The following SPAST variants were observed in gnomAD, a reference collection of about 807,000 sequenced individuals.
SPAST encodes spastic paraplegia 4 (autosomal dominant; spastin).
SPAST carries 30 observed loss-of-function variants against 76.6 expected under a neutral mutation model. That is an observed-to-expected ratio of 0.39 (90% CI 0.29 to 0.53). The LOEUF (loss-of-function observed/expected upper bound fraction) is 0.53, where lower values mean the gene tolerates loss of function less well. Ranked by LOEUF, SPAST falls within the 20% of genes least tolerant of loss-of-function variation. SPAST has a pLI of 0.68. For missense variants in SPAST, 717 were observed against 770.5 expected, an observed-to-expected ratio of 0.93 and a Z score of 0.82; for synonymous variants, 305 against 281.0, an observed-to-expected ratio of 1.09 and a Z score of -0.86.
intron 15 of SPAST, among the ~76,000 whole-genome samples, chr2:32,146,143 T>G (rs1435476981): frequency 3.3e-5 from 5 of 152,368 alleles, no homozygotes; most frequent in Admixed American, 2.0e-4. Flanking sequence ...AGCTTAAATC[T>G]TGTTCAGTTA....
intron 12 of SPAST, among the ~76,000 whole-genome samples, chr2:32,140,157 T>C (rs1024973388): frequency 1.3e-4 from 20 of 152,216 alleles, no homozygotes; most frequent in Admixed American, 1.2e-3. Flanking sequence ...TCTTTTTGTT[T>C]TGTTCTGTTT....
At chr2:32,067,261 C>T (rs1302328798) in intron 1 of SPAST, among the ~76,000 whole-genome samples, 1 of 152,106 alleles carries the variant, frequency 6.6e-6, no homozygotes, top group Non-Finnish European at 1.5e-5. Context: ...GGGGTTCCAC[C>T]ATGTTGGCCA....
chr2:32,144,745 C>T (rs889925353), intron 14 of SPAST, among the ~76,000 whole-genome samples, 192 bp from the exon 15 acceptor site: 1 of 151,952 alleles, frequency 6.6e-6, no homozygotes, highest in Admixed American at 6.6e-5. Flanking sequence ...AAAAATTAGC[C>T]AGGTGCGGTG....
chr2:32,143,344 A>G lies in SPAST; in HGVS notation c.1545A>G (p.Leu515=), dbSNP rs896657268. ...TTTTTAATATTTTTCAGACAAGACT[A>G]CTTTTGCTTAAAAATCTGTTATGTA... ...YVSLPNEETR[L]LLLKNLLCKQ... The change falls in exon 14 of 17, where the codon CTA becomes CTG. Residue 515 remains leucine, a synonymous_variant. Coordinates refer to ENST00000315285, the MANE Select transcript of SPAST (RefSeq NM_014946.4). 1.9e-6 allele frequency: 3 copies of G among 1,571,494 alleles called. No homozygotes were observed. The highest frequency in any genetic ancestry group is 1.1e-5 in the South Asian group (1 of 89,766).
At chr2:32,065,319 T>C (rs1184840351) in intron 1 of SPAST, among the ~76,000 whole-genome samples, 3 of 152,088 alleles carry the variant, frequency 2.0e-5, no homozygotes, top group Non-Finnish European at 4.4e-5. Flanking sequence ...CGCCTGGCCT[T>C]AAGCTAACAT....
chr2:32,096,711 T>G (rs1044661403), intron 3 of SPAST, among the ~76,000 whole-genome samples: 1 of 152,176 alleles, frequency 6.6e-6, no homozygotes, highest in African/African-American at 2.4e-5. Flanking sequence ...AACTTTTTGT[T>G]AAAATTTCAT....
chr2:32,129,851 G>A (rs571519884), intron 9 of SPAST: 1 of 152,266 alleles, frequency 6.6e-6, no homozygotes, highest in South Asian at 2.1e-4. Flanking sequence ...ATAAAAAATA[G>A]AGCCAGGTGT....
In SPAST at chr2:32,156,853, C is replaced by T. The variant is rs1318669442; in HGVS notation, c.*2357C>T. 6.6e-6 allele frequency: 1 copy of T among 152,134 alleles called. No homozygotes were observed. Among genetic ancestry groups the T allele is most frequent in the African/African-American group, 2.4e-5 (1 of 41,448 alleles). The allele number at this position is 152,134 out of a possible 1,614,324, so 9.4% of individuals were successfully genotyped here. On this transcript the variant is annotated 3_prime_UTR_variant, in exon 17 of 17. Coordinates refer to ENST00000315285, the MANE Select transcript of SPAST (RefSeq NM_014946.4). Reference sequence around the variant, plus strand: ...GTTAATACTATCTTAAACACTGAGTCAGAAAATCATTACTGTATAGAAGTT... The same window carrying T: ...GTTAATACTATCTTAAACACTGAGTTAGAAAATCATTACTGTATAGAAGTT...
intron 4 of SPAST, among the ~76,000 whole-genome samples, chr2:32,105,904 G>T (rs1279409674): frequency 2.6e-5 from 4 of 152,212 alleles, no homozygotes; most frequent in Non-Finnish European, 5.9e-5. Context: ...GCTACTTGGG[G>T]ATCAGGGACC....
At chr2:32,100,013 T>C (rs1024275628) in intron 4 of SPAST, among the ~76,000 whole-genome samples, 2 of 152,166 alleles carry the variant, frequency 1.3e-5, no homozygotes, top group African/African-American at 4.8e-5. Context: ...TTTTCTTTCC[T>C]TTGGATAAAT....
intron 4 of SPAST, among the ~76,000 whole-genome samples, chr2:32,113,429 T>C (rs1299952039): frequency 6.6e-6 from 1 of 152,064 alleles, no homozygotes; most frequent in Non-Finnish European, 1.5e-5. Context: ...GAACAGACTT[T>C]CATAGTGTTT....
intron 9 of SPAST, among the ~76,000 whole-genome samples, chr2:32,134,514 G>C (rs1679471933): frequency 6.6e-6 from 1 of 150,730 alleles, no homozygotes; most frequent in Admixed American, 6.6e-5. Context: ...GTGTTGCCAG[G>C]GCTGGTCTCA....
At chr2:32,137,333 A>G (rs935301713) in intron 12 of SPAST, 145 bp downstream of exon 12, 2 of 739,960 alleles carry the variant, frequency 2.7e-6, no homozygotes, top group African/African-American at 1.7e-5. Context: ...CTTGTTACCA[A>G]CTACATAAGG....
intron 3 of SPAST, among the ~76,000 whole-genome samples, chr2:32,090,439 A>G (rs1406128546): frequency 6.6e-6 from 1 of 152,204 alleles, no homozygotes; most frequent in Admixed American, 6.5e-5. Context: ...AATATTTCAT[A>G]TTATACCTCT....
intron 16 of SPAST, among the ~76,000 whole-genome samples, chr2:32,150,006 G>A (rs540847494): frequency 2.5e-4 from 38 of 149,100 alleles, no homozygotes; most frequent in African/African-American, 8.1e-4. Flanking sequence ...GCTTTTATTC[G>A]CCTGTCGGAT....
intron 15 of SPAST, 144 bp from the exon 16 acceptor site, chr2:32,147,074 C>G: frequency 1.6e-6 from 1 of 620,580 alleles, no homozygotes; most frequent in Non-Finnish European, 2.9e-6. Flanking sequence ...TATTTGCTCT[C>G]AAAGTTAACA....
At chr2:32,067,133 C>A (rs1487753325) in intron 1 of SPAST, among the ~76,000 whole-genome samples, 1 of 152,102 alleles carries the variant, frequency 6.6e-6, no homozygotes, top group African/African-American at 2.4e-5. Context: ...ATGATCTTGG[C>A]TCACTGCAAC....
rs146370460 is a variant in SPAST at position 32,131,450 on chromosome 2, T to G, written c.1245+2971T>G. The stretch of plus-strand genomic sequence containing the variant: ...GGCAGAGACTATCACCATGTGTTCT[T>G]CACTTCAATTTTCAGTAGTTGGCTG... On this transcript the variant is annotated intron_variant, in intron 9 of 16. Coordinates refer to ENST00000315285, the MANE Select transcript of SPAST (RefSeq NM_014946.4). Among the ~76,000 whole-genome samples the G allele has an allele frequency of 3.3e-3, 505 of 152,308 alleles. 3 individuals carry two copies. The highest frequency in any genetic ancestry group is 0.021 in the South Asian group (102 of 4,826).
intron 13 of SPAST, 49 bp from the exon 14 acceptor site, chr2:32,143,287 T>C: frequency 1.8e-6 from 2 of 1,119,246 alleles, no homozygotes; most frequent in Non-Finnish European, 2.7e-6. Flanking sequence ...AAGAAAAGAA[T>C]CATTAATTCT....
Sources: allele counts gnomAD v4.1 joint callset (sites outside exome capture counted in the v4.1 genomes callset), GRCh38; gene constraint gnomAD v4.1.1; transcripts MANE v1.5; gene names NCBI Gene and HGNC (gene_info 2026-07-23, HGNC 2026-07-21).